The following CFAP47 variants were observed in gnomAD, a reference collection of about 807,000 sequenced individuals.
CFAP47 encodes cilia and flagella associated protein 47, also known as cilia- and flagella-associated protein 47.
In CFAP47, 29 loss-of-function variants were observed where a neutral mutation model predicts 148.1. The observed-to-expected ratio is 0.20, with a 90% CI of 0.15 to 0.27. CFAP47 has a LOEUF of 0.27. Among genes scored for constraint, CFAP47 ranks in the 10% least tolerant of loss-of-function variants. The pLI, the probability that CFAP47 is intolerant of heterozygous loss-of-function variation, is 1.00. For synonymous variants in CFAP47, 664 were observed against 577.3 expected (o/e 1.15, Z -2.15); for missense variants, 1,872 against 1,697.5 (o/e 1.10, Z -1.81).
chrX:35,951,892 C>T lies in CFAP47; in HGVS notation c.975C>T (p.Ile325=). ...AGAACATAGATACTACTATCATTAT[C>T]TCCTGTCTTCCTAATGAAGGGACTT... The part of the protein sequence containing the change: ...KIKNIDTTII[I]SCLPNEGTLQ... The change falls in exon 6 of 64, where the codon ATC becomes ATT. Residue 325 remains isoleucine (I), a synonymous_variant. Transcript: ENST00000378653. 1 of 1,177,165 alleles carries T rather than the reference C, an allele frequency of 8.5e-7. No homozygotes were observed. Among genetic ancestry groups the T allele is most frequent in the South Asian group, 2.0e-5 (1 of 50,859 alleles).
chrX:36,233,372 G>GC (rs1260636557), intron 46 of CFAP47, among the ~76,000 whole-genome samples: 2 of 111,059 alleles, frequency 1.8e-5, no homozygotes, highest in Non-Finnish European at 1.9e-5. Flanking sequence ...TTATGTAATG[G>GC]CTTCTTTGTC....
Position 35,951,887 on chromosome X carries a change from A to G in CFAP47, c.970A>G (p.Ile324Val). 1 of 1,177,708 alleles carries G rather than the reference A, an allele frequency of 8.5e-7. No homozygotes were observed. Among genetic ancestry groups the G allele is most frequent in the Non-Finnish European group, 1.1e-6 (1 of 885,724 alleles). ...AATAAAGAACATAGATACTACTATC[A>G]TTATCTCCTGTCTTCCTAATGAAGG... ...RKIKNIDTTI[I>V]ISCLPNEGTL... Residue 324 changes from isoleucine (I) to valine (V), a missense_variant, in exon 6 of 64, where the codon ATT becomes GTT. Transcript: ENST00000378653.
At chrX:36,080,617 C>A (rs1937958909) in intron 29 of CFAP47, among the ~76,000 whole-genome samples, 1 of 111,762 alleles carries the variant, frequency 8.9e-6, no homozygotes, top group South Asian at 3.7e-4. Context: ...AGGATGAGTT[C>A]ATGTCCTTTG....
chrX:36,003,028 C>T (rs979597323), intron 21 of CFAP47, among the ~76,000 whole-genome samples: 1 of 110,798 alleles, frequency 9.0e-6, no homozygotes, highest in East Asian at 2.8e-4. Context: ...TTGTCTTGTT[C>T]CTGAAAGCAT....
intron 30 of CFAP47, among the ~76,000 whole-genome samples, chrX:36,086,651 T>C (rs769851843): frequency 8.0e-4 from 89 of 111,782 alleles, no homozygotes; most frequent in Admixed American, 1.5e-3. Flanking sequence ...AACTTTGACA[T>C]GTTACTTAAA....
chrX:36,262,376 C>T (rs186885049), intron 49 of CFAP47, among the ~76,000 whole-genome samples: 1,308 of 111,608 alleles, frequency 0.012, 37 homozygotes, highest in Admixed American at 0.091. Flanking sequence ...CCCCCACTAC[C>T]CTTCCCAGCC....
intron 30 of CFAP47, among the ~76,000 whole-genome samples, chrX:36,087,112 C>T (rs917489802): frequency 8.9e-6 from 1 of 112,011 alleles, no homozygotes; most frequent in African/African-American, 3.3e-5. Flanking sequence ...CTCTCCCTGT[C>T]TCGTGTAAGC....
chrX:35,929,333 T>C (rs766087247), intron 2 of CFAP47, among the ~76,000 whole-genome samples: 29 of 112,392 alleles, frequency 2.6e-4, no homozygotes, highest in Non-Finnish European at 4.9e-4. Context: ...ATTTCTTTTA[T>C]CACTATTTTG....
At chrX:36,166,591 A>T (rs1939493157) in intron 39 of CFAP47, among the ~76,000 whole-genome samples, 1 of 110,665 alleles carries the variant, frequency 9.0e-6, no homozygotes, top group Non-Finnish European at 1.9e-5. Context: ...TTTCTGTTCA[A>T]TCTGATACCT....
At chrX:35,968,511 G>GT (rs1037041903) in intron 10 of CFAP47, among the ~76,000 whole-genome samples, 43 of 111,650 alleles carry the variant, frequency 3.9e-4, no homozygotes, top group African/African-American at 1.3e-3. Flanking sequence ...ACCGGAATAA[G>GT]TTTTTTTATT....
At chrX:36,144,794 G>T in intron 35 of CFAP47, 1 of 1,025,145 alleles carries the variant, frequency 9.8e-7, no homozygotes, top group Non-Finnish European at 1.3e-6. Context: ...TTCTCCTTCT[G>T]CCCTTGGACA....
At chrX:36,099,394 A>T (rs1938334186) in intron 31 of CFAP47, among the ~76,000 whole-genome samples, 1 of 109,670 alleles carries the variant, frequency 9.1e-6, no homozygotes, top group South Asian at 3.9e-4. Flanking sequence ...GCCATGTGAC[A>T]TGAGTAGAGA....
At chrX:36,285,763 T>C in intron 51 of CFAP47, 37 bp downstream of exon 51, 1 of 1,050,348 alleles carries the variant, frequency 9.5e-7, no homozygotes, top group Non-Finnish European at 1.3e-6. Context: ...CTCTGTCATT[T>C]TGTGAGCACT....
At chrX:36,243,653 A>G (rs1382628672) in intron 48 of CFAP47, among the ~76,000 whole-genome samples, 2,611 of 47,381 alleles carry the variant, frequency 0.055, 46 homozygotes, top group East Asian at 0.11. Flanking sequence ...GTGTGTATAT[A>G]TATATATATA....
At chrX:35,989,282 T>C in intron 15 of CFAP47, 37 bp from the exon 16 acceptor site, 2 of 1,032,651 alleles carry the variant, frequency 1.9e-6, no homozygotes, top group Non-Finnish European at 2.7e-6. Context: ...AATTAAAATG[T>C]GGAAAATGTC....
intron 10 of CFAP47, among the ~76,000 whole-genome samples, chrX:35,968,352 T>G (rs941011368): frequency 9.0e-6 from 1 of 110,977 alleles, no homozygotes; most frequent in South Asian, 3.8e-4. Context: ...CCTCCCCAAT[T>G]AGGATGATAA....
chrX:36,157,867 T>C (rs1325420549), intron 37 of CFAP47, among the ~76,000 whole-genome samples: 1 of 111,939 alleles, frequency 8.9e-6, no homozygotes, highest in Non-Finnish European at 1.9e-5. Flanking sequence ...AATTTGAGCC[T>C]ATATACCTGG....
intron 26 of CFAP47, among the ~76,000 whole-genome samples, chrX:36,049,034 T>A (rs1398983383): frequency 9.0e-6 from 1 of 110,873 alleles, no homozygotes; most frequent in Non-Finnish European, 1.9e-5. Context: ...ACCAGGAGAG[T>A]GTGATGTTAT....
intron 4 of CFAP47, 49 bp from the exon 5 acceptor site, chrX:35,951,082 G>T (rs1403494097): frequency 1.1e-6 from 1 of 898,281 alleles, no homozygotes; most frequent in African/African-American, 2.0e-5. Flanking sequence ...AAAGTATATA[G>T]AATTCTAATT....
Sources: allele counts gnomAD v4.1 joint callset (sites outside exome capture counted in the v4.1 genomes callset), GRCh38; gene constraint gnomAD v4.1.1; transcripts MANE v1.5; gene names NCBI Gene and HGNC (gene_info 2026-07-23, HGNC 2026-07-21).